KCNN2: variants seen among roughly 807,000 people sequenced by gnomAD.
KCNN2 encodes the protein potassium calcium-activated channel subfamily N member 2, also known as small conductance calcium-activated potassium channel protein 2.
KCNN2 carries 24 observed loss-of-function variants against 55.5 expected under a neutral mutation model. The observed-to-expected ratio is 0.43, with a 90% CI of 0.31 to 0.61. KCNN2 has a LOEUF of 0.61. Ranked by LOEUF, KCNN2 falls within the 20% of genes least tolerant of loss-of-function variation. The probability of loss-of-function intolerance (pLI) is 0.08; values close to 1 mark genes in which losing one functional copy is unlikely to be tolerated. For synonymous variants in KCNN2, 431 were observed against 336.1 expected, an observed-to-expected ratio of 1.28 and a Z score of -3.09; for missense variants, 754 against 853.6, an observed-to-expected ratio of 0.88 and a Z score of 1.45.
upstream of KCNN2, among the ~76,000 whole-genome samples, chr5:114,357,491 T>C (rs1488672296): frequency 1.6e-5 from 2 of 121,294 alleles, no homozygotes; most frequent in Non-Finnish European, 3.4e-5. Context: ...GATATTCCCC[T>C]TCCTGTGTCC....
intron 2 of KCNN2, among the ~76,000 whole-genome samples, chr5:114,275,303 G>A (rs1202534492): frequency 2.0e-5 from 3 of 151,972 alleles, no homozygotes; most frequent in African/African-American, 4.8e-5. Flanking sequence ...CTCTTTTTTT[G>A]TTGTGTCTCT....
chr5:114,382,751 A>G (rs1381207851), intron 2 of KCNN2, among the ~76,000 whole-genome samples: 1 of 152,172 alleles, frequency 6.6e-6, no homozygotes, highest in Admixed American at 6.5e-5. Context: ...AAACAAATGG[A>G]TGGATGGCGT....
intron 1 of KCNN2, among the ~76,000 whole-genome samples, chr5:114,113,615 T>C (rs1488280764): frequency 1.3e-5 from 2 of 152,152 alleles, no homozygotes; most frequent in Admixed American, 6.6e-5. Flanking sequence ...TGAGAATTTA[T>C]GTACCATTTT....
intron 4 of KCNN2, among the ~76,000 whole-genome samples, chr5:114,466,860 T>A (rs1761477392): frequency 6.6e-6 from 1 of 152,202 alleles, no homozygotes; most frequent in Admixed American, 6.5e-5. Flanking sequence ...CAGATATCAG[T>A]GATTTAGGTT....
intron 2 of KCNN2, among the ~76,000 whole-genome samples, chr5:114,328,967 C>G (rs1756759510): frequency 6.6e-6 from 1 of 152,206 alleles, no homozygotes. Flanking sequence ...TCCCACATCC[C>G]TGTTCTCTGT....
At chr5:114,262,572 G>A (rs1002600321) in intron 2 of KCNN2, among the ~76,000 whole-genome samples, 4 of 152,110 alleles carry the variant, frequency 2.6e-5, no homozygotes, top group African/African-American at 9.7e-5. Context: ...TCAGCTGTGC[G>A]GCAATTGCCC....
At chr5:114,272,358 CATATACACACACATATGTATGTACAT>C (rs1561549039) in intron 2 of KCNN2, among the ~76,000 whole-genome samples, 1,056 of 27,446 alleles carry the variant, frequency 0.038, 22 homozygotes, top group Non-Finnish European at 0.075. Context: ...ATGTACATAC[CATATACACACACATATGTATGTACAT>C]ATATACACAC....
chr5:114,474,395 T>G (rs924480143), intron 5 of KCNN2, among the ~76,000 whole-genome samples: 3 of 152,196 alleles, frequency 2.0e-5, no homozygotes, highest in Admixed American at 1.3e-4. Flanking sequence ...GTTCAGATGC[T>G]ACATTTTCAG....
At chr5:114,144,556 C>A (rs1420223153) in intron 1 of KCNN2, among the ~76,000 whole-genome samples, 1 of 152,002 alleles carries the variant, frequency 6.6e-6, no homozygotes. Flanking sequence ...ATTCCCAAGG[C>A]CTATGTAAGG....
At chr5:114,207,561 T>A (rs1368706845) in intron 1 of KCNN2, among the ~76,000 whole-genome samples, 1 of 152,218 alleles carries the variant, frequency 6.6e-6, no homozygotes, top group African/African-American at 2.4e-5. Flanking sequence ...AGCATTTTTA[T>A]TATAGATCTT....
intron 2 of KCNN2, among the ~76,000 whole-genome samples, chr5:114,286,969 A>C (rs867612653): frequency 6.6e-6 from 1 of 152,194 alleles, no homozygotes; most frequent in Non-Finnish European, 1.5e-5. Flanking sequence ...TTATATTCCA[A>C]TGTAAAGAAA....
chr5:114,353,718 TAATTTACAG>T (rs1561581930), intron 2 of KCNN2, among the ~76,000 whole-genome samples: 1 of 151,988 alleles, frequency 6.6e-6, no homozygotes, highest in African/African-American at 2.4e-5. Flanking sequence ...AATATTTTCT[TAATTTACAG>T]ATTTGTTTTT....
At chr5:114,281,873 T>C (rs1028690471) in intron 2 of KCNN2, among the ~76,000 whole-genome samples, 2 of 152,122 alleles carry the variant, frequency 1.3e-5, no homozygotes, top group East Asian at 1.9e-4. Context: ...GTGTTTTTTT[T>C]CTAGGGTCTA....
chr5:114,164,826 G>T (rs1294378309), intron 1 of KCNN2, among the ~76,000 whole-genome samples: 1 of 152,110 alleles, frequency 6.6e-6, no homozygotes, highest in Non-Finnish European at 1.5e-5. Context: ...TCTGATGAAG[G>T]CTTTTTATAC....
chr5:114,200,705 T>C (rs1187385587), intron 1 of KCNN2, among the ~76,000 whole-genome samples: 1 of 152,124 alleles, frequency 6.6e-6, no homozygotes, highest in Non-Finnish European at 1.5e-5. Context: ...AGGATGTATA[T>C]ATCTGTTGTT....
At chr5:114,391,577 A>G (rs1289140907) in intron 2 of KCNN2, among the ~76,000 whole-genome samples, 1 of 152,146 alleles carries the variant, frequency 6.6e-6, no homozygotes, top group Non-Finnish European at 1.5e-5. Context: ...GGCATGAACA[A>G]AAGCCACCCA....
intron 1 of KCNN2, among the ~76,000 whole-genome samples, chr5:114,213,586 T>TA (rs2112584591): frequency 6.6e-6 from 1 of 152,170 alleles, no homozygotes; most frequent in Admixed American, 6.5e-5. Flanking sequence ...AGAATTCTGG[T>TA]AAAAAATCTA....
At chr5:114,230,268 T>TTC (rs1554075902) in intron 2 of KCNN2, among the ~76,000 whole-genome samples, 1 of 7,812 alleles carries the variant, frequency 1.3e-4, no homozygotes, top group Non-Finnish European at 4.7e-4. Flanking sequence ...AGTGATATTC[T>TTC]TTTTTTTTTT....
At chr5:114,368,743 A>G (rs753036744) in intron 2 of KCNN2, among the ~76,000 whole-genome samples, 12 of 152,308 alleles carry the variant, frequency 7.9e-5, no homozygotes, top group Non-Finnish European at 1.6e-4. Context: ...AGAGGTAACC[A>G]CTTTTAAGTT....
Sources: allele counts gnomAD v4.1 joint callset (sites outside exome capture counted in the v4.1 genomes callset), GRCh38; gene constraint gnomAD v4.1.1; transcripts MANE v1.5; gene names NCBI Gene and HGNC (gene_info 2026-07-23, HGNC 2026-07-21).